Variants in JAM2 observed in about 807,000 individuals in gnomAD.
The protein encoded by JAM2 is junctional adhesion molecule B.
Under a neutral mutation model 42.0 loss-of-function variants are expected in JAM2, and 17 were observed. The ratio of observed to expected loss-of-function variants is 0.40; its 90% CI spans 0.28 to 0.61. The LOEUF (loss-of-function observed/expected upper bound fraction) is 0.61. JAM2 is among the 20% of genes least tolerant of loss of function. JAM2 has a pLI of 0.37. For synonymous variants in JAM2, 118 were observed against 128.6 expected, an observed-to-expected ratio of 0.92 and a Z score of 0.56; for missense variants, 319 against 358.3, an observed-to-expected ratio of 0.89 and a Z score of 0.89.
intron 1 of JAM2, among the ~76,000 whole-genome samples, chr21:25,645,211 A>C (rs748056642): frequency 6.6e-6 from 1 of 152,144 alleles, no homozygotes; most frequent in Non-Finnish European, 1.5e-5. Flanking sequence ...GTTGTATTTC[A>C]AATTGCATAG....
chr21:25,710,733 A>G (rs939581129), intron 8 of JAM2, among the ~76,000 whole-genome samples: 8 of 152,318 alleles, frequency 5.3e-5, no homozygotes, highest in African/African-American at 1.9e-4. Context: ...GATTGTAAGG[A>G]GTCCCTTTTA....
rs1401222010 is a variant in JAM2, at chr21:25,715,625, T to C, written c.*953T>C. On this transcript the variant is annotated 3_prime_UTR_variant, in exon 10 of 10. Transcript: ENST00000480456. Reference sequence around the variant, plus strand: ...GGAGGGATGTGGAGGGAAGAAGTAATAGTCTACCAGGAAAATGAGACGAAA... The same window carrying C: ...GGAGGGATGTGGAGGGAAGAAGTAACAGTCTACCAGGAAAATGAGACGAAA... 6.6e-6 allele frequency: 1 copy of C among 152,174 alleles called. No homozygotes were observed. Among genetic ancestry groups the C allele is most frequent in the Admixed American group, 6.5e-5 (1 of 15,280 alleles). The allele number at this position is 152,174 out of a possible 1,614,324, so 9.4% of individuals were successfully genotyped here. A position where few individuals can be genotyped will look rare whatever the true frequency, so the allele number is the denominator to read the frequency against.
chr21:25,714,505 AAAAT>A (rs543943387), intron 9 of JAM2, 131 bp from the exon 10 acceptor site: 10 of 688,534 alleles, frequency 1.5e-5, no homozygotes, highest in African/African-American at 3.9e-5. Context: ...CTCAAAAAAT[AAAAT>A]AAATAAATAA....
chr21:25,693,966 TG>T, intron 4 of JAM2, 58 bp downstream of exon 4: 1 of 1,557,574 alleles, frequency 6.4e-7, no homozygotes, highest in South Asian at 1.2e-5. Context: ...CACCCAGCCC[TG>T]GGGGCAAGCA....
At chr21:25,687,301 T>A (rs772935247) in intron 2 of JAM2, among the ~76,000 whole-genome samples, 4 of 152,224 alleles carry the variant, frequency 2.6e-5, no homozygotes, top group Non-Finnish European at 4.4e-5. Flanking sequence ...AGATGAGTAC[T>A]GTTCTTTTTA....
chr21:25,656,562 A>G (rs185755939), intron 1 of JAM2, among the ~76,000 whole-genome samples: 2 of 152,242 alleles, frequency 1.3e-5, no homozygotes, highest in Admixed American at 1.3e-4. Flanking sequence ...AGCAGCCACA[A>G]TAGAATAGCC....
intron 1 of JAM2, among the ~76,000 whole-genome samples, chr21:25,650,447 G>A (rs945944712): frequency 1.3e-5 from 2 of 152,178 alleles, no homozygotes; most frequent in East Asian, 3.8e-4. Flanking sequence ...TCAGATACAT[G>A]TAAGAATCTC....
intron 4 of JAM2, among the ~76,000 whole-genome samples, chr21:25,696,459 A>G (rs1348671017): frequency 2.6e-5 from 4 of 152,120 alleles, no homozygotes; most frequent in Admixed American, 2.6e-4. Context: ...CATGTTGTTC[A>G]TGCTCCTTCT....
At chr21:25,650,451 G>A (rs377513237) in intron 1 of JAM2, among the ~76,000 whole-genome samples, 81 of 152,192 alleles carry the variant, frequency 5.3e-4, no homozygotes, top group African/African-American at 1.9e-3. Flanking sequence ...ATACATGTAA[G>A]AATCTCAGCT....
intron 2 of JAM2, among the ~76,000 whole-genome samples, chr21:25,688,648 T>G (rs2033809377): frequency 6.6e-6 from 1 of 152,226 alleles, no homozygotes; most frequent in South Asian, 2.1e-4. Flanking sequence ...CAACTTTTGG[T>G]TCTTTTCTTC....
intron 5 of JAM2, among the ~76,000 whole-genome samples, chr21:25,699,687 C>A (rs1288835582): frequency 7.6e-6 from 1 of 132,234 alleles, no homozygotes; most frequent in African/African-American, 2.8e-5. Flanking sequence ...CGCGCCACTG[C>A]GCTCCAGCCT....
intron 5 of JAM2, among the ~76,000 whole-genome samples, chr21:25,699,436 T>C (rs2034111223): frequency 6.6e-6 from 1 of 152,024 alleles, no homozygotes; most frequent in African/African-American, 2.4e-5. Context: ...CTTTAAAAAT[T>C]GCGCGGCCGG....
intron 1 of JAM2, among the ~76,000 whole-genome samples, chr21:25,667,432 G>T (rs1488275631): frequency 6.6e-6 from 1 of 152,048 alleles, no homozygotes; most frequent in Admixed American, 6.6e-5. Flanking sequence ...TTACAAGAAG[G>T]GTGAATACAG....
At chr21:25,714,234 C>A (rs1214895139) in intron 9 of JAM2, 4 of 1,300,448 alleles carry the variant, frequency 3.1e-6, no homozygotes, top group Non-Finnish European at 3.0e-6. Flanking sequence ...TGGCCAGGTG[C>A]AGTGGCTCAC....
intron 6 of JAM2, among the ~76,000 whole-genome samples, chr21:25,704,800 G>A (rs780292692): frequency 6.6e-6 from 1 of 152,210 alleles, no homozygotes; most frequent in Non-Finnish European, 1.5e-5. Context: ...TTGTATGACA[G>A]GAGGTGTCTG....
intron 1 of JAM2, among the ~76,000 whole-genome samples, chr21:25,648,238 T>TTTG (rs1224490374): frequency 6.6e-6 from 1 of 152,156 alleles, no homozygotes; most frequent in Non-Finnish European, 1.5e-5. Flanking sequence ...AGATGCATTT[T>TTTG]CAAATAGGAA....
intron 1 of JAM2, among the ~76,000 whole-genome samples, chr21:25,655,408 C>T (rs1272712505): frequency 1.4e-4 from 18 of 126,124 alleles, no homozygotes; most frequent in Admixed American, 4.1e-4. Context: ...GTATGCTCCA[C>T]TTTTCACCCT....
chr21:25,655,328 A>G (rs2032900137), intron 1 of JAM2, among the ~76,000 whole-genome samples: 1 of 149,052 alleles, frequency 6.7e-6, no homozygotes, highest in Middle Eastern at 3.3e-3. Context: ...AGATAGTAAC[A>G]TGATAAATAT....
rs576294113 is a variant in JAM2, at chr21:25,704,424, A to C, written c.698-1555A>C. 1.2e-4 allele frequency among the ~76,000 whole-genome samples: 19 copies of C among 152,362 alleles called. No homozygotes were observed. In the South Asian group the frequency reaches 3.9e-3, roughly 32 times the overall value. ...AGGTATTTAAGAAAATTAATAACAC[A>C]CTTGGCATTAGGAAAGAATTTCGAG... On this transcript the variant is annotated intron_variant, in intron 6 of 9. Transcript: ENST00000480456.
Sources: allele counts gnomAD v4.1 joint callset (sites outside exome capture counted in the v4.1 genomes callset), GRCh38; gene constraint gnomAD v4.1.1; transcripts MANE v1.5; gene names NCBI Gene and HGNC (gene_info 2026-07-23, HGNC 2026-07-21).